CWC27: variants seen among roughly 807,000 people sequenced by gnomAD.
CWC27 encodes the protein CWC27 spliceosome associated cyclophilin.
CWC27 carries 47 observed loss-of-function variants against 63.6 expected under a neutral mutation model. That is an observed-to-expected ratio of 0.74 (90% CI 0.58 to 0.94). The LOEUF (loss-of-function observed/expected upper bound fraction) is 0.94, where lower values mean the gene tolerates loss of function less well. Among genes scored for constraint, CWC27 ranks in the 40% least tolerant of loss-of-function variants. The pLI, the probability that CWC27 is intolerant of heterozygous loss-of-function variation, is 0.00. For synonymous variants in CWC27, 175 were observed against 179.8 expected (o/e 0.97, Z 0.22); for missense variants, 495 against 554.3 (o/e 0.89, Z 1.07).
At position 64,967,747 on chromosome 5, in the gene CWC27, C is replaced by T. The variant is rs115629344; in HGVS notation, c.1043-3956C>T. On this transcript the variant is annotated intron_variant, in intron 11 of 13. Coordinates refer to ENST00000381070, the MANE Select transcript of CWC27 (RefSeq NM_005869.4). ...AAAAAAAATCTCAACCCTTACCTTA[C>T]GCCATATATAAAAATCAACTTGAAA... is the stretch of plus-strand genomic sequence containing the variant. Among the ~76,000 whole-genome samples the T allele has an allele frequency of 8.5e-3, 1,296 of 151,914 alleles. 20 individuals are homozygous for T. Among genetic ancestry groups the T allele is most frequent in the African/African-American group, 0.03 (1,225 of 41,478 alleles).
At chr5:64,949,842 CT>C (rs1372715664) in intron 11 of CWC27, among the ~76,000 whole-genome samples, 3 of 151,970 alleles carry the variant, frequency 2.0e-5, no homozygotes. Flanking sequence ...TCCTGATACT[CT>C]TTCATCATTG....
At chr5:64,977,653 G>A (rs796868076) in intron 13 of CWC27, among the ~76,000 whole-genome samples, 6 of 152,042 alleles carry the variant, frequency 3.9e-5, no homozygotes, top group African/African-American at 1.4e-4. Context: ...TTCATAATCC[G>A]ACTAACTTCC....
At chr5:64,912,527 T>C (rs1215849826) in intron 11 of CWC27, among the ~76,000 whole-genome samples, 1 of 151,476 alleles carries the variant, frequency 6.6e-6, no homozygotes, top group Non-Finnish European at 1.5e-5. Flanking sequence ...AACTAATAAA[T>C]AATAAAAACA....
chr5:64,980,661 T>C (rs1749317186), intron 13 of CWC27, among the ~76,000 whole-genome samples: 1 of 152,182 alleles, frequency 6.6e-6, no homozygotes, highest in Non-Finnish European at 1.5e-5. Context: ...TCTTCCTCTT[T>C]CTCTTCTTCT....
chr5:64,792,090 C>T (rs1466469926), intron 7 of CWC27, among the ~76,000 whole-genome samples: 6 of 152,062 alleles, frequency 3.9e-5, no homozygotes, highest in African/African-American at 1.4e-4. Flanking sequence ...TGTCTCTTTA[C>T]TATAGAAATA....
intron 10 of CWC27, among the ~76,000 whole-genome samples, chr5:64,811,566 C>T (rs1049308555): frequency 2.6e-5 from 4 of 152,024 alleles, no homozygotes; most frequent in Middle Eastern, 3.4e-3. Flanking sequence ...ATAATCTTTA[C>T]GGTTAACTAG....
intron 11 of CWC27, among the ~76,000 whole-genome samples, chr5:64,968,254 C>T (rs1380415788): frequency 1.3e-5 from 2 of 152,120 alleles, no homozygotes; most frequent in African/African-American, 4.8e-5. Flanking sequence ...TATGGAGCAA[C>T]TCAACCTCTC....
chr5:64,770,476 G>A (rs745923673), intron 1 of CWC27, among the ~76,000 whole-genome samples: 1 of 152,224 alleles, frequency 6.6e-6, no homozygotes, highest in South Asian at 2.1e-4. Context: ...CTAATCAAGT[G>A]TTGACCTTAG....
At chr5:64,887,043 T>A (rs1747087074) in intron 11 of CWC27, among the ~76,000 whole-genome samples, 1 of 152,108 alleles carries the variant, frequency 6.6e-6, no homozygotes, top group Non-Finnish European at 1.5e-5. Context: ...CTAGAAAGAA[T>A]AAAATATAAA....
chr5:64,816,690 T>C (rs1034271393), intron 10 of CWC27, among the ~76,000 whole-genome samples: 5 of 152,266 alleles, frequency 3.3e-5, no homozygotes, highest in Middle Eastern at 3.4e-3. Context: ...GTTGATTCAG[T>C]CACATTATTT....
chr5:64,971,407 G>A (rs2278353), intron 11 of CWC27, among the ~76,000 whole-genome samples: 70,678 of 151,940 alleles, frequency 0.47, 16,643 homozygotes, highest in African/African-American at 0.52. Context: ...AATTATTTTA[G>A]AAGTGAGATA....
intron 11 of CWC27, among the ~76,000 whole-genome samples, chr5:64,948,183 A>G (rs1158258426): frequency 6.6e-6 from 1 of 152,034 alleles, no homozygotes; most frequent in Non-Finnish European, 1.5e-5. Context: ...AATTGTAGGT[A>G]GTAATTCACT....
intron 11 of CWC27, among the ~76,000 whole-genome samples, chr5:64,945,506 G>T (rs1748575996): frequency 1.3e-5 from 2 of 152,124 alleles, no homozygotes; most frequent in East Asian, 3.8e-4. Flanking sequence ...GAAGATAGAA[G>T]AATTATTACT....
intron 10 of CWC27, among the ~76,000 whole-genome samples, chr5:64,825,980 A>C (rs1745345819): frequency 6.6e-6 from 1 of 152,226 alleles, no homozygotes; most frequent in South Asian, 2.1e-4. Flanking sequence ...CATGCCCAAA[A>C]GTTCCAGCAC....
At position 64,885,550 on chromosome 5, in the gene CWC27, A is replaced by G. The variant is rs1370849929; in HGVS notation, c.1042+4A>G. 1.3e-6 allele frequency: 2 copies of G among 1,588,686 alleles called. No homozygotes were observed. The highest frequency in any genetic ancestry group is 1.7e-6 in the Non-Finnish European group (2 of 1,165,304). ...CAAGCAGAAAAAAGAAGTGAAGGTA[A>G]GGGCATTTATCACGCTTATTTTTTC... On this transcript the variant is annotated splice_donor_region_variant and intron_variant, in intron 11 of 13. Transcript: ENST00000381070.
chr5:64,816,366 A>G (rs760750806), intron 10 of CWC27, among the ~76,000 whole-genome samples: 1 of 152,192 alleles, frequency 6.6e-6, no homozygotes, highest in Non-Finnish European at 1.5e-5. Context: ...AACTGGAGTC[A>G]TGGCTGCTTA....
intron 11 of CWC27, among the ~76,000 whole-genome samples, chr5:64,907,680 G>T (rs1220645612): frequency 6.6e-6 from 1 of 152,094 alleles, no homozygotes; most frequent in Admixed American, 6.6e-5. Context: ...GATTGCCCTG[G>T]CCAGAACTTC....
At chr5:64,769,297 A>G in intron 1 of CWC27, 109 bp downstream of exon 1, 1 of 925,760 alleles carries the variant, frequency 1.1e-6, no homozygotes, top group Non-Finnish European at 1.8e-6. Flanking sequence ...AGAGACCACG[A>G]GAAGTGTTGT....
At position 64,908,135 on chromosome 5, in the gene CWC27, G is replaced by A. The variant is rs139453413; in HGVS notation, c.1042+22589G>A. 1.6e-3 allele frequency among the ~76,000 whole-genome samples: 238 copies of A among 152,176 alleles called. 3 individuals carry two copies. In the East Asian group the frequency reaches 0.04, roughly 25 times the overall value. ...ACATCTTTATTTCTGCCTTCATTTCGTTATTTACCCAGGATTCACTCAGGA... is the reference window on the plus strand; with the variant it reads ...ACATCTTTATTTCTGCCTTCATTTCATTATTTACCCAGGATTCACTCAGGA... On this transcript the variant is annotated intron_variant, in intron 11 of 13. Coordinates refer to ENST00000381070, the MANE Select transcript of CWC27 (RefSeq NM_005869.4).
Sources: allele counts gnomAD v4.1 joint callset (sites outside exome capture counted in the v4.1 genomes callset), GRCh38; gene constraint gnomAD v4.1.1; transcripts MANE v1.5; gene names NCBI Gene and HGNC (gene_info 2026-07-23, HGNC 2026-07-21).